Variants in TUBB3 observed in about 807,000 individuals in gnomAD.
TUBB3 encodes tubulin beta 3 class III, also known as tubulin beta-3 chain.
In TUBB3, 17 loss-of-function variants were observed where a neutral mutation model predicts 37.8. The ratio of observed to expected loss-of-function variants is 0.45; its 90% CI spans 0.31 to 0.67. The LOEUF (loss-of-function observed/expected upper bound fraction) is 0.67, where lower values mean the gene tolerates loss of function less well. TUBB3 is among the 30% of genes least tolerant of loss of function. The pLI, the probability that TUBB3 is intolerant of heterozygous loss-of-function variation, is 0.07. For missense variants in TUBB3, 262 were observed against 657.9 expected, an observed-to-expected ratio of 0.40 and a Z score of 6.58; for synonymous variants, 332 against 278.9, an observed-to-expected ratio of 1.19 and a Z score of -1.90.
chr16:89,926,061 G>A (rs2030067075), intron 1 of TUBB3, among the ~76,000 whole-genome samples: 1 of 152,230 alleles, frequency 6.6e-6, no homozygotes, highest in Non-Finnish European at 1.5e-5. Context: ...GCAGGGGCGG[G>A]CCGGGCTATG....
At chr16:89,931,848 G>C (rs573904541) in intron 1 of TUBB3, 9 of 424,012 alleles carry the variant, frequency 2.1e-5, no homozygotes, top group Non-Finnish European at 3.9e-5. Flanking sequence ...CCTGCTCTAG[G>C]GGGAGAGAGG....
chr16:89,934,949 C>T lies in TUBB3; in HGVS notation c.498C>T (p.Thr166=). 6.2e-7 allele frequency: 1 copy of T among 1,614,224 alleles called. No homozygotes were observed. Among genetic ancestry groups the T allele is most frequent in the Non-Finnish European group, 8.5e-7 (1 of 1,180,038 alleles). The change falls in exon 4 of 4, where the codon ACC becomes ACT. Residue 166 remains threonine (T), a synonymous_variant. Coordinates refer to ENST00000315491, the MANE Select transcript of TUBB3 (RefSeq NM_006086.4). ...REEYPDRIMN[T]FSVVPSPKVS... The stretch of plus-strand genomic sequence containing the variant: ...AGTATCCCGACCGCATCATGAACAC[C>T]TTCAGCGTCGTGCCCTCACCCAAGG...
chr16:89,932,756 A>T, intron 2 of TUBB3, 77 bp downstream of exon 2: 1 of 1,151,650 alleles, frequency 8.7e-7, no homozygotes, highest in Non-Finnish European at 1.3e-6. Flanking sequence ...AGGTCTCAGC[A>T]CCTGGACTCA....
intron 1 of TUBB3, among the ~76,000 whole-genome samples, chr16:89,931,268 G>C (rs897234162): frequency 2.0e-5 from 3 of 152,192 alleles, no homozygotes; most frequent in African/African-American, 7.2e-5. Flanking sequence ...CCACCAAATT[G>C]TTTTCTAACC....
At chr16:89,932,988 G>A (rs1235112003) in intron 2 of TUBB3, 2 of 509,148 alleles carry the variant, frequency 3.9e-6, no homozygotes, top group South Asian at 4.1e-5. Flanking sequence ...GCCTAGAGAA[G>A]GGGTCACCTG....
upstream of TUBB3, among the ~76,000 whole-genome samples, chr16:89,922,818 T>C (rs1371037742): frequency 2.0e-5 from 3 of 152,204 alleles, no homozygotes; most frequent in African/African-American, 7.2e-5. Context: ...ATCCGACGCT[T>C]TGTTTCTTCT....
At chr16:89,925,747 C>A (rs1468455335) in intron 1 of TUBB3, among the ~76,000 whole-genome samples, 1 of 152,188 alleles carries the variant, frequency 6.6e-6, no homozygotes, top group Non-Finnish European at 1.5e-5. Context: ...CCTCCACTCC[C>A]GCAGCTGATA....
intron 1 of TUBB3, among the ~76,000 whole-genome samples, chr16:89,926,192 T>C (rs2030072324): frequency 6.6e-6 from 1 of 152,128 alleles, no homozygotes; most frequent in African/African-American, 2.4e-5. Context: ...GGGGTTCGCC[T>C]GCAGCGGCGG....
intron 1 of TUBB3, among the ~76,000 whole-genome samples, chr16:89,924,564 T>TG: frequency 6.6e-6 from 1 of 151,782 alleles, no homozygotes; most frequent in Non-Finnish European, 1.5e-5. Flanking sequence ...GAGACGGTCC[T>TG]GGAGGGGAAG....
At position 89,935,200 on chromosome 16, in the gene TUBB3, T is replaced by C; in HGVS notation, c.749T>C (p.Leu250Pro). The C allele has an allele frequency of 6.2e-7, 1 of 1,613,750 alleles. No homozygotes were observed. The highest frequency in any genetic ancestry group is 8.5e-7 in the Non-Finnish European group (1 of 1,180,018). ...TTCCCGGGCCAGCTCAACGCTGACCTGCGCAAGCTGGCCGTCAACATGGTG... is the reference window on the plus strand; with the variant it reads ...TTCCCGGGCCAGCTCAACGCTGACCCGCGCAAGCTGGCCGTCAACATGGTG... ...LRFPGQLNAD[L>P]RKLAVNMVPF... Residue 250 changes from leucine (L) to proline (P), a missense_variant, in exon 4 of 4, where the codon CTG becomes CCG. By Grantham distance (98) the Leu-to-Pro change is moderately conservative. Coordinates refer to ENST00000315491, the MANE Select transcript of TUBB3 (RefSeq NM_006086.4).
At chr16:89,925,932 T>C (rs1473767814) in intron 1 of TUBB3, among the ~76,000 whole-genome samples, 1 of 152,040 alleles carries the variant, frequency 6.6e-6, no homozygotes, top group East Asian at 1.9e-4. Context: ...ACCCCTGCGC[T>C]GGGAGCCGAG....
chr16:89,924,010 T>C (rs1372523227), intron 1 of TUBB3, among the ~76,000 whole-genome samples: 2 of 151,898 alleles, frequency 1.3e-5, no homozygotes, highest in Non-Finnish European at 2.9e-5. Flanking sequence ...GTTGGAGGGG[T>C]TGGGCCTGGA....
chr16:89,932,914 C>T lies in TUBB3; in HGVS notation c.166+235C>T, dbSNP rs370197198. The T allele has an allele frequency of 3.0e-5, 17 of 575,676 alleles. No individual in the cohort carries two copies. The East Asian group carries it at 3.3e-4, about 11-fold the overall frequency. The allele number at this position is 575,676 out of a possible 1,614,324, so 35.7% of individuals were successfully genotyped here. A position where few individuals can be genotyped will look rare whatever the true frequency, so the allele number is the denominator to read the frequency against. ...CCAAACATATTAGTGCCATGAGGGC[C>T]TGTGCGTGTCCAGGGGCACAGACAG... is the stretch of plus-strand genomic sequence containing the variant. On this transcript the variant is annotated intron_variant, in intron 2 of 3. Transcript: ENST00000315491.
At chr16:89,933,125 G>C in intron 2 of TUBB3, 1 of 576,014 alleles carries the variant, frequency 1.7e-6, no homozygotes, top group Non-Finnish European at 3.2e-6. Flanking sequence ...AGACAGTCTC[G>C]ATATGTTGCC....
At chr16:89,932,373 T>G (rs908308424) in intron 1 of TUBB3, among the ~76,000 whole-genome samples, 198 bp from the exon 2 acceptor site, 14 of 152,172 alleles carry the variant, frequency 9.2e-5, no homozygotes, top group Non-Finnish European at 2.1e-4. Context: ...CCTGGACGTG[T>G]AGGTGTGGAG....
upstream of TUBB3, among the ~76,000 whole-genome samples, chr16:89,923,014 G>T (rs935595103): frequency 1.3e-5 from 2 of 152,228 alleles, no homozygotes; most frequent in African/African-American, 4.8e-5. Flanking sequence ...GGGCGGAACC[G>T]AGAGGGTAGC....
chr16:89,926,046 G>C (rs899521843), intron 1 of TUBB3, among the ~76,000 whole-genome samples: 6 of 151,992 alleles, frequency 3.9e-5, no homozygotes, highest in Non-Finnish European at 7.4e-5. Context: ...GTCACCCCGG[G>C]GGGGGCAGGG....
At chr16:89,933,856 C>T in intron 3 of TUBB3, 1 of 688,774 alleles carries the variant, frequency 1.5e-6, no homozygotes, top group Non-Finnish European at 2.7e-6. Context: ...AGAACGGGGC[C>T]TCCAGAGGAC....
chr16:89,927,812 C>T (rs1363805327), intron 1 of TUBB3, among the ~76,000 whole-genome samples: 1 of 152,238 alleles, frequency 6.6e-6, no homozygotes, highest in Non-Finnish European at 1.5e-5. Flanking sequence ...CTCCATTGCT[C>T]CTGCTGCCCT....
Sources: allele counts gnomAD v4.1 joint callset (sites outside exome capture counted in the v4.1 genomes callset), GRCh38; gene constraint gnomAD v4.1.1; transcripts MANE v1.5; gene names NCBI Gene and HGNC (gene_info 2026-07-23, HGNC 2026-07-21).